The following CXorf58 variants were observed in gnomAD, a reference collection of about 807,000 sequenced individuals.
CXorf58 encodes chromosome X open reading frame 58.
Under a neutral mutation model 26.0 loss-of-function variants are expected in CXorf58, and 24 were observed. That is an observed-to-expected ratio of 0.92 (90% CI 0.67 to 1.30). The LOEUF (loss-of-function observed/expected upper bound fraction) is 1.30, where lower values mean the gene tolerates loss of function less well. CXorf58 is among the 50% of genes most tolerant of loss of function. The pLI is 0.00. For synonymous variants in CXorf58, 87 were observed against 86.1 expected (o/e 1.01, Z -0.06); for missense variants, 236 against 263.9 (o/e 0.89, Z 0.73).
intron 5 of CXorf58, among the ~76,000 whole-genome samples, chrX:23,922,389 AAAAC>A (rs1009482053): frequency 4.5e-5 from 5 of 111,119 alleles, no homozygotes; most frequent in African/African-American, 6.5e-5. Flanking sequence ...AACAAAAACA[AAAAC>A]AAACAAACAA....
chrX:23,935,991 T>C lies in CXorf58; in HGVS notation c.785+566T>C, dbSNP rs1468515266. On this transcript the variant is annotated intron_variant, in intron 7 of 8. Coordinates refer to ENST00000379211, the MANE Select transcript of CXorf58 (RefSeq NM_152761.3). ...TTTCACCATATTGGCCAGGCTGGTC[T>C]CAAACTCCTGACCTTGTGATCCGGC... Among the ~76,000 whole-genome samples the C allele has an allele frequency of 2.0e-4, 22 of 111,028 alleles. No individual in the cohort carries two copies. In the Admixed American group the frequency reaches 2.1e-3, roughly 11 times the overall value.
intron 5 of CXorf58, among the ~76,000 whole-genome samples, chrX:23,921,754 C>T (rs1215894556): frequency 9.0e-6 from 1 of 110,826 alleles, no homozygotes; most frequent in Non-Finnish European, 1.9e-5. Context: ...GCAGTGGCAC[C>T]ATCTCGCAAT....
chrX:23,920,375 C>T (rs192802141), intron 5 of CXorf58, among the ~76,000 whole-genome samples: 54 of 112,192 alleles, frequency 4.8e-4, no homozygotes, highest in African/African-American at 1.5e-3. Context: ...TTTTCTGTAA[C>T]CCTGGCAAGA....
At chrX:23,924,395 C>T (rs1380059108) in intron 5 of CXorf58, among the ~76,000 whole-genome samples, 2 of 109,668 alleles carry the variant, frequency 1.8e-5, no homozygotes, top group East Asian at 5.7e-4. Flanking sequence ...AATCTCGGCT[C>T]AGTGCAACCT....
At chrX:23,921,194 A>T (rs1426477952) in intron 5 of CXorf58, among the ~76,000 whole-genome samples, 2 of 111,440 alleles carry the variant, frequency 1.8e-5, no homozygotes, top group Non-Finnish European at 3.8e-5. Flanking sequence ...AGAACCTTAG[A>T]GGCAGTGATT....
At chrX:23,916,786 A>G (rs1470573565) in intron 5 of CXorf58, among the ~76,000 whole-genome samples, 4 of 107,762 alleles carry the variant, frequency 3.7e-5, no homozygotes, top group Non-Finnish European at 7.7e-5. Flanking sequence ...GCTGCTCGGG[A>G]GGTTGAGGCA....
chrX:23,924,940 G>A (rs190775717), intron 5 of CXorf58, among the ~76,000 whole-genome samples: 60 of 111,140 alleles, frequency 5.4e-4, no homozygotes, highest in African/African-American at 1.5e-3. Flanking sequence ...GTTGCTATAA[G>A]ACAGTAATAT....
chrX:23,909,976 TGAG>T (rs1308096830), intron 1 of CXorf58, among the ~76,000 whole-genome samples: 1 of 110,640 alleles, frequency 9.0e-6, no homozygotes, highest in Non-Finnish European at 1.9e-5. Context: ...AGCTGGAGAG[TGAG>T]GAGATTGAAT....
At position 23,935,239 on chromosome X, in the gene CXorf58, G is replaced by A; in HGVS notation, c.599G>A (p.Arg200Lys). 1 of 1,211,449 alleles carries A rather than the reference G, an allele frequency of 8.3e-7. No homozygotes were observed. Among genetic ancestry groups the A allele is most frequent in the East Asian group, 3.0e-5 (1 of 33,865 alleles). ...GAGGCCCCTGCATTTTCTGGCGGCA[G>A]AAATAACAGCTGGCGCAAATTAAAT... ...FDEAPAFSGG[R>K]NNSWRKLNLE... The change falls in exon 7 of 9, where the codon AGA (arginine) becomes AAA (lysine). Residue 200 changes from arginine to lysine, a missense_variant. Coordinates refer to ENST00000379211, the MANE Select transcript of CXorf58 (RefSeq NM_152761.3).
chrX:23,938,408 C>A, intron 7 of CXorf58, 139 bp from the exon 8 acceptor site: 1 of 422,902 alleles, frequency 2.4e-6, no homozygotes, highest in Non-Finnish European at 3.9e-6. Flanking sequence ...AACCTAAAAG[C>A]TTACATGAAA....
intron 3 of CXorf58, among the ~76,000 whole-genome samples, chrX:23,912,789 A>G (rs1329978574): frequency 1.8e-5 from 2 of 111,910 alleles, no homozygotes; most frequent in Admixed American, 9.5e-5. Context: ...TTATCCAGCA[A>G]TTTTACTTCT....
intron 3 of CXorf58, among the ~76,000 whole-genome samples, chrX:23,914,506 C>T (rs1432621279): frequency 8.9e-6 from 1 of 112,198 alleles, no homozygotes; most frequent in East Asian, 2.8e-4. Context: ...ATCCTGGCTT[C>T]CCCATTCACT....
chrX:23,926,495 T>C (rs180709160), intron 5 of CXorf58, among the ~76,000 whole-genome samples: 9 of 112,051 alleles, frequency 8.0e-5, no homozygotes, highest in African/African-American at 2.9e-4. Flanking sequence ...CAGCAGTGTA[T>C]TAACACATAA....
intron 1 of CXorf58, among the ~76,000 whole-genome samples, chrX:23,910,077 G>C (rs1927533192): frequency 1.8e-5 from 2 of 111,673 alleles, no homozygotes. Context: ...AGAAGGCTAT[G>C]GATAGATTTA....
intron 6 of CXorf58, among the ~76,000 whole-genome samples, chrX:23,928,033 AAGG>A (rs1928059665): frequency 1.8e-5 from 2 of 111,715 alleles, no homozygotes; most frequent in African/African-American, 6.5e-5. Context: ...ATTTCATATA[AAGG>A]AAATCATGTG....
At chrX:23,937,557 C>T (rs1226952993) in intron 7 of CXorf58, among the ~76,000 whole-genome samples, 1 of 108,837 alleles carries the variant, frequency 9.2e-6, no homozygotes, top group Non-Finnish European at 1.9e-5. Context: ...TCCTGAGTAG[C>T]TGGGATTACA....
chrX:23,911,888 G>T (rs1238499823), intron 3 of CXorf58, 32 bp downstream of exon 3: 2 of 944,472 alleles, frequency 2.1e-6, no homozygotes, highest in Non-Finnish European at 3.0e-6. Flanking sequence ...TTCTCTGAGG[G>T]ATTTAATTAT....
At chrX:23,937,947 A>G (rs148130315) in intron 7 of CXorf58, among the ~76,000 whole-genome samples, 3,651 of 107,271 alleles carry the variant, frequency 0.034, 175 homozygotes, top group African/African-American at 0.12. Context: ...GTGCAGTGGC[A>G]CAATCTTGGC....
At chrX:23,911,520 G>A (rs1927578320) in intron 2 of CXorf58, among the ~76,000 whole-genome samples, 1 of 109,422 alleles carries the variant, frequency 9.1e-6, no homozygotes, top group Admixed American at 9.8e-5. Context: ...ACAAAGTTTT[G>A]GCCAGGACTT....
Sources: allele counts gnomAD v4.1 joint callset (sites outside exome capture counted in the v4.1 genomes callset), GRCh38; gene constraint gnomAD v4.1.1; transcripts MANE v1.5; gene names NCBI Gene and HGNC (gene_info 2026-07-23, HGNC 2026-07-21).